The following ACSF3 variants were observed in gnomAD, a reference collection of about 807,000 sequenced individuals.
The protein encoded by ACSF3 is acyl-CoA synthetase family member 3.
ACSF3 carries 78 observed loss-of-function variants against 53.2 expected under a neutral mutation model. That is an observed-to-expected ratio of 1.47 (90% CI 1.22 to 1.77). ACSF3 has a LOEUF of 1.77. Among genes scored for constraint, ACSF3 ranks in the 40% most tolerant of loss-of-function variants. The pLI, the probability that ACSF3 is intolerant of heterozygous loss-of-function variation, is 0.00. For synonymous variants in ACSF3, 414 were observed against 333.1 expected, an observed-to-expected ratio of 1.24 and a Z score of -2.65; for missense variants, 937 against 771.1, an observed-to-expected ratio of 1.22 and a Z score of -2.55.
intron 7 of ACSF3, 119 bp from the exon 8 acceptor site, chr16:89,133,017 A>G (rs1909654340): frequency 6.2e-6 from 9 of 1,457,600 alleles, no homozygotes; most frequent in Non-Finnish European, 8.6e-6. Context: ...GCTCAGTTTC[A>G]GAAAGCACGC....
At chr16:89,112,068 C>T in intron 4 of ACSF3, 24 bp from the exon 5 acceptor site, 1 of 1,614,054 alleles carries the variant, frequency 6.2e-7, no homozygotes, top group Non-Finnish European at 8.5e-7. Flanking sequence ...CATCTTCCTA[C>T]CGAGTGCTTC....
At position 89,131,249 on chromosome 16, in the gene ACSF3, C is replaced by T. The variant is rs112649616; in HGVS notation, c.1240-1887C>T. 8.7e-5 allele frequency among the ~76,000 whole-genome samples: 13 copies of T among 150,226 alleles called. No homozygotes were observed. In the South Asian group the frequency reaches 2.8e-3, roughly 32 times the overall value. ...CAAGCGATCCTCCTACCTCAGCCTC[C>T]CAAGTAGCTGGGACTACAAGCACTG... On this transcript the variant is annotated intron_variant, in intron 7 of 10. Transcript: ENST00000614302.
At chr16:89,102,826 G>A in intron 4 of ACSF3, 67 bp downstream of exon 4, 1 of 1,586,032 alleles carries the variant, frequency 6.3e-7, no homozygotes, top group Admixed American at 1.7e-5. Context: ...CGGGGCCAGG[G>A]CTCTCAGCCG....
chr16:89,099,747 A>G (rs967214758), intron 2 of ACSF3, among the ~76,000 whole-genome samples: 2 of 151,882 alleles, frequency 1.3e-5, no homozygotes, highest in Non-Finnish European at 2.9e-5. Context: ...ACACTACTGT[A>G]CTCCAGCCTG....
intron 8 of ACSF3, among the ~76,000 whole-genome samples, chr16:89,135,564 C>T (rs117900553): frequency 0.024 from 3,602 of 152,336 alleles, 57 homozygotes; most frequent in Non-Finnish European, 0.033. Flanking sequence ...TGTGACAGGA[C>T]GTGGTCAGCA....
At chr16:89,115,219 A>C (rs551396404) in intron 6 of ACSF3, 1 of 156,658 alleles carries the variant, frequency 6.4e-6, no homozygotes, top group South Asian at 1.8e-4. Context: ...AGACCCAGTA[A>C]AAATTCACCC....
At position 89,155,259 on chromosome 16, in the gene ACSF3, AACTT is replaced by A. The variant is rs1394004066; in HGVS notation, c.*1055_*1058del. ...TCATCGCCCAGCAGTGTCTGGCCTG[AACTT>A]ACCCAGAACATTCTGCCCCCGGAAT... is the stretch of plus-strand genomic sequence containing the variant. On this transcript the variant is annotated 3_prime_UTR_variant, in exon 11 of 11. Transcript: ENST00000614302. 2.2e-6 allele frequency: 1 copy of A among 454,106 alleles called. No homozygotes were observed. Among genetic ancestry groups the A allele is most frequent in the Admixed American group, 2.3e-5 (1 of 42,570 alleles). The allele number at this position is 454,106 out of a possible 1,614,324, so 28.1% of individuals were successfully genotyped here. A position where few individuals can be genotyped will look rare whatever the true frequency, so the allele number is the denominator to read the frequency against.
At chr16:89,153,780 C>T (rs1280849799) in intron 10 of ACSF3, 6 of 419,432 alleles carry the variant, frequency 1.4e-5, no homozygotes, top group South Asian at 4.7e-5. Context: ...GTGTGGGGGC[C>T]CCTCTGCCCT....
intron 10 of ACSF3, chr16:89,150,773 G>A: frequency 2.8e-6 from 1 of 359,146 alleles, no homozygotes; most frequent in Non-Finnish European, 5.4e-6. Context: ...TTGCTGTCCA[G>A]GCCACTTGCT....
chr16:89,133,182 G>A lies in ACSF3; in HGVS notation c.1286G>A (p.Gly429Glu), dbSNP rs1049672981. The change falls in exon 8 of 11, where the codon GGA becomes GAA. Residue 429 changes from glycine to glutamate, a missense_variant. Coordinates refer to ENST00000614302, the MANE Select transcript of ACSF3 (RefSeq NM_001243279.3). ...AAGGAGGGGGAGCTGCTGGTGAGGGGACCCTCCGTGTTTCGAGAATACTGG... is the reference window on the plus strand; with the variant it reads ...AAGGAGGGGGAGCTGCTGGTGAGGGAACCCTCCGTGTTTCGAGAATACTGG... ...EEKEGELLVR[G>E]PSVFREYWNK... The A allele has an allele frequency of 1.2e-6, 2 of 1,613,948 alleles. No homozygotes were observed. Among genetic ancestry groups the A allele is most frequent in the African/African-American group, 2.7e-5 (2 of 74,894 alleles).
chr16:89,127,475 C>T (rs560524704), intron 7 of ACSF3, among the ~76,000 whole-genome samples: 2 of 152,268 alleles, frequency 1.3e-5, no homozygotes, highest in East Asian at 3.9e-4. Context: ...AGTGATCCTG[C>T]GTCAGCCTCC....
intron 10 of ACSF3, chr16:89,149,380 C>G (rs1913690382): frequency 6.6e-6 from 1 of 152,222 alleles, no homozygotes; most frequent in East Asian, 1.9e-4. Flanking sequence ...TCTTGCATTG[C>G]TATAAATGAA....
At chr16:89,102,493 C>T (rs113568544) in intron 3 of ACSF3, 111 bp from the exon 4 acceptor site, 1 of 1,297,066 alleles carries the variant, frequency 7.7e-7, no homozygotes, top group African/African-American at 1.5e-5. Flanking sequence ...TTCTCCTTCC[C>T]CTTCCTCAGT....
chr16:89,129,144 A>T (rs1168506953), intron 7 of ACSF3, among the ~76,000 whole-genome samples: 1 of 152,086 alleles, frequency 6.6e-6, no homozygotes, highest in Non-Finnish European at 1.5e-5. Context: ...GTTTTAGGAA[A>T]TGTCTGTTCT....
rs56085364 is a variant in ACSF3, at chr16:89,125,698, AAGAGAG to A, written c.1239+4801_1239+4806del. ...AGAGTGAGACTGCCTCAAAAAAAAA[AAGAGAG>A]AGAGAGAGAGAGAGATGTTGATTGG... On this transcript the variant is annotated intron_variant, in intron 7 of 10. Coordinates refer to ENST00000614302, the MANE Select transcript of ACSF3 (RefSeq NM_001243279.3). Among the ~76,000 whole-genome samples, 7 of 147,894 alleles carry A rather than the reference AAGAGAG, an allele frequency of 4.7e-5. No homozygotes were observed. In the South Asian group the frequency reaches 6.4e-4, roughly 13 times the overall value.
Position 89,154,347 on chromosome 16 carries a change from T to A in ACSF3, c.*140T>A. On this transcript the variant is annotated 3_prime_UTR_variant, in exon 11 of 11. Transcript: ENST00000614302. Reference sequence around the variant, plus strand: ...AGGTCACGTAGAATCAAGAACTGTTTGGGATGAAATCACCATGTGGGGTCC... The same window carrying A: ...AGGTCACGTAGAATCAAGAACTGTTAGGGATGAAATCACCATGTGGGGTCC... The A allele has an allele frequency of 1.2e-6, 1 of 830,538 alleles. No individual in the cohort carries two copies. Among genetic ancestry groups the A allele is most frequent in the Non-Finnish European group, 2.0e-6 (1 of 503,444 alleles). The allele number at this position is 830,538 out of a possible 1,614,324, so 51.4% of individuals were successfully genotyped here.
intron 7 of ACSF3, among the ~76,000 whole-genome samples, chr16:89,128,177 A>G (rs1908532784): frequency 6.6e-6 from 1 of 151,718 alleles, no homozygotes; most frequent in Non-Finnish European, 1.5e-5. Flanking sequence ...TATAATGTGT[A>G]CATTTAATGA....
In ACSF3 at chr16:89,114,500, C is replaced by G; in HGVS notation, c.1126+13C>G. The stretch of plus-strand genomic sequence containing the variant: ...GTGCGCCTGCCAGGTACGAGCACTT[C>G]CCACAGCTGCGTTCCTCTTCCACTG... On this transcript the variant is annotated intron_variant, in intron 6 of 10. Coordinates refer to ENST00000614302, the MANE Select transcript of ACSF3 (RefSeq NM_001243279.3). The G allele has an allele frequency of 6.2e-7, 1 of 1,609,684 alleles. No homozygotes were observed. The highest frequency in any genetic ancestry group is 8.5e-7 in the Non-Finnish European group (1 of 1,179,940).
chr16:89,142,122 T>C (rs1025511567), intron 8 of ACSF3, among the ~76,000 whole-genome samples: 1 of 152,072 alleles, frequency 6.6e-6, no homozygotes, highest in African/African-American at 2.4e-5. Context: ...AAACCGTGCG[T>C]GCAGCACAGC....
Sources: gnomAD v4.1 joint callset for allele counts (sites outside exome capture counted in the v4.1 genomes callset) on GRCh38, gnomAD v4.1.1 for gene constraint, MANE v1.5 for transcripts, NCBI Gene and HGNC (gene_info 2026-07-23, HGNC 2026-07-21) for gene names.